SYNJ1: variants seen among roughly 807,000 people sequenced by gnomAD.
The protein encoded by SYNJ1 is polyphosphatidylinositol phosphatase SYNJ1.
Under a neutral mutation model 168.2 loss-of-function variants are expected in SYNJ1, and 78 were observed. That is an observed-to-expected ratio of 0.46 (90% CI 0.39 to 0.56). The LOEUF is 0.56. Ranked by LOEUF, SYNJ1 falls within the 20% of genes least tolerant of loss-of-function variation. The pLI is 0.00. For synonymous variants in SYNJ1, 539 were observed against 548.6 expected (o/e 0.98, Z 0.24); for missense variants, 1,303 against 1,597.6 (o/e 0.82, Z 3.14).
intron 28 of SYNJ1, 32 bp downstream of exon 28, chr21:32,642,063 A>T (rs375941299): frequency 1.1e-5 from 17 of 1,613,962 alleles, no homozygotes; most frequent in Middle Eastern, 1.6e-4. Flanking sequence ...GTCCAGTTTT[A>T]AGGGTGAATA....
intron 12 of SYNJ1, among the ~76,000 whole-genome samples, chr21:32,678,156 T>C (rs778836037): frequency 6.6e-6 from 1 of 152,290 alleles, no homozygotes; most frequent in South Asian, 2.1e-4. Context: ...GCCCAATAAT[T>C]AGCACTACTT....
intron 12 of SYNJ1, 71 bp from the exon 13 acceptor site, chr21:32,676,426 G>A (rs2041412256): frequency 1.4e-6 from 2 of 1,464,780 alleles, no homozygotes; most frequent in Non-Finnish European, 1.9e-6. Flanking sequence ...GTTGAGTATA[G>A]TGACAAAACA....
intron 23 of SYNJ1, among the ~76,000 whole-genome samples, chr21:32,648,685 A>T (rs1418446281): frequency 6.6e-6 from 1 of 152,154 alleles, no homozygotes. Context: ...TATTCGATTC[A>T]TTCTCTTCTG....
intron 22 of SYNJ1, among the ~76,000 whole-genome samples, chr21:32,652,327 A>T (rs2040301985): frequency 6.6e-6 from 1 of 151,920 alleles, no homozygotes. Context: ...CAGTCTCCCA[A>T]GCAGCTGGGA....
chr21:32,641,978 A>G lies in SYNJ1; in HGVS notation c.3518-12T>C, dbSNP rs1337239204. ...AGGCTGACTGCGTCCTGGAACAAAG[A>G]CATCATATCATATATTTAAGTTTAA... On this transcript the variant is annotated splice_polypyrimidine_tract_variant and intron_variant, in intron 28 of 32. Coordinates refer to ENST00000674351, the MANE Select transcript of SYNJ1 (RefSeq NM_203446.3). 6.2e-7 allele frequency: 1 copy of G among 1,613,690 alleles called. No individual in the cohort carries two copies. Among genetic ancestry groups the G allele is most frequent in the Non-Finnish European group, 8.5e-7 (1 of 1,179,938 alleles).
chr21:32,650,077 G>A lies in SYNJ1; in HGVS notation c.3037+107C>T, dbSNP rs2040220002. The A allele has an allele frequency of 3.0e-6, 4 of 1,348,708 alleles. No homozygotes were observed. The East Asian group carries it at 9.6e-5, about 33-fold the overall frequency. The allele number at this position is 1,348,708 out of a possible 1,614,324, so 83.5% of individuals were successfully genotyped here. ...AATACATTCTAATTAATAGTGCTAT[G>A]TACGTCCCAAGAAGAAGAAGAAAGA... On this transcript the variant is annotated intron_variant, in intron 23 of 32. Coordinates refer to ENST00000674351, the MANE Select transcript of SYNJ1 (RefSeq NM_203446.3).
chr21:32,703,937 T>C (rs943644435), intron 2 of SYNJ1, among the ~76,000 whole-genome samples: 2 of 151,966 alleles, frequency 1.3e-5, no homozygotes, highest in Admixed American at 6.6e-5. Flanking sequence ...CCCAGGCTGG[T>C]TGGAAACTCT....
At chr21:32,661,738 T>G (rs555689548) in intron 18 of SYNJ1, among the ~76,000 whole-genome samples, 1 of 152,184 alleles carries the variant, frequency 6.6e-6, no homozygotes, top group East Asian at 1.9e-4. Context: ...TATGGTATTG[T>G]TTAAAATTAG....
At chr21:32,649,378 T>C (rs2040190321) in intron 23 of SYNJ1, among the ~76,000 whole-genome samples, 1 of 152,222 alleles carries the variant, frequency 6.6e-6, no homozygotes, top group Non-Finnish European at 1.5e-5. Flanking sequence ...AATATTATTA[T>C]AATCTAAGGT....
rs756663722 is a variant in SYNJ1 at position 32,695,245 on chromosome 21, C to T, written c.517G>A (p.Val173Met). The T allele has an allele frequency of 2.2e-5, 35 of 1,613,818 alleles. No homozygotes were observed. Among genetic ancestry groups the T allele is most frequent in the African/African-American group, 1.1e-4 (8 of 74,872 alleles). Reference protein sequence around the residue: ...SLHLHLKHYGVNCDDWLLRLM... With the variant: ...SLHLHLKHYGMNCDDWLLRLM... ...CGTAATAACCAGTCATCACAATTCACGCCATAGTGTTTGAGATGCAAATGC... is the reference window on the plus strand; with the variant it reads ...CGTAATAACCAGTCATCACAATTCATGCCATAGTGTTTGAGATGCAAATGC... The change falls in exon 5 of 33, where the codon GTG (valine) becomes ATG (methionine). Residue 173 changes from valine (V) to methionine (M), a missense_variant. Around this residue, in one of 2 missense-constraint regions of SYNJ1, gnomAD observed 920 missense variants for 1,208.8 expected, o/e 0.76. Transcript: ENST00000674351.
chr21:32,678,581 GT>G lies in SYNJ1; in HGVS notation c.1510+63del. 10 of 1,455,964 alleles carry G rather than the reference GT, an allele frequency of 6.9e-6. No homozygotes were observed. The South Asian group carries it at 1.5e-4, about 22-fold the overall frequency. 90.2% of individuals were successfully genotyped at this position (1,455,964 alleles called of 1,614,324 possible). ...CCAACTAAAAATTCTGTGTAAATAA[GT>G]TTACATTTACCTCTTGGACCTTTAG... On this transcript the variant is annotated intron_variant, in intron 12 of 32. Transcript: ENST00000674351.
chr21:32,709,086 T>G (rs554655647), intron 2 of SYNJ1, among the ~76,000 whole-genome samples: 1 of 152,300 alleles, frequency 6.6e-6, no homozygotes, highest in Non-Finnish European at 1.5e-5. Flanking sequence ...ACAGAACAAT[T>G]AAAAAGCTAA....
chr21:32,672,059 CAA>C (rs1160074724), intron 14 of SYNJ1, among the ~76,000 whole-genome samples: 22 of 24,668 alleles, frequency 8.9e-4, no homozygotes, highest in African/African-American at 3.7e-3. Context: ...AACTCAATCT[CAA>C]AAAAAAAAAA....
Position 32,646,565 on chromosome 21 carries a change from A to G in SYNJ1, c.3075T>C (p.Leu1025=). ...VDDYSAEVEE[L]LPQHLQPSSS... The stretch of plus-strand genomic sequence containing the variant: ...AAGATGGCTGGAGATGCTGAGGAAG[A>G]AGTTCCTCCACTTCAGCACTATAGT... The change falls in exon 24 of 33, where the codon CTT becomes CTC. Residue 1025 remains leucine, a synonymous_variant. Coordinates refer to ENST00000674351, the MANE Select transcript of SYNJ1 (RefSeq NM_203446.3). The G allele has an allele frequency of 6.2e-7, 1 of 1,614,140 alleles. No individual in the cohort carries two copies. Among genetic ancestry groups the G allele is most frequent in the South Asian group, 1.1e-5 (1 of 91,074 alleles).
intron 16 of SYNJ1, 109 bp from the exon 17 acceptor site, chr21:32,666,244 G>A: frequency 6.9e-7 from 1 of 1,439,078 alleles, no homozygotes; most frequent in Non-Finnish European, 9.4e-7. Flanking sequence ...ATGGTACTTT[G>A]AGGGCAAGCC....
intron 7 of SYNJ1, 45 bp from the exon 8 acceptor site, chr21:32,687,119 C>A: frequency 1.0e-6 from 1 of 992,530 alleles, no homozygotes; most frequent in Non-Finnish European, 1.4e-6. Flanking sequence ...AATAAGAAGC[C>A]CAATTTTTTC....
At chr21:32,648,106 C>A (rs187512858) in intron 23 of SYNJ1, among the ~76,000 whole-genome samples, 1 of 152,212 alleles carries the variant, frequency 6.6e-6, no homozygotes, top group Non-Finnish European at 1.5e-5. Flanking sequence ...TGGGCCCCAC[C>A]CAGCCTAATT....
Position 32,631,803 on chromosome 21 carries a change from T to C in SYNJ1, c.*4-2A>G. On this transcript the variant is annotated splice_acceptor_variant, in intron 32 of 32. Transcript: ENST00000674351. LOFTEE classifies it low-confidence loss of function (3UTR_SPLICE). ...ATCAGAGATTCCATTTGTTTTTACC[T>C]GCAAAAGAAAGGGAGCACTGAAAAA... 1 of 1,603,550 alleles carries C rather than the reference T, an allele frequency of 6.2e-7. No homozygotes were observed. The highest frequency in any genetic ancestry group is 8.5e-7 in the Non-Finnish European group (1 of 1,174,084).
chr21:32,727,949 T>C lies in SYNJ1; in HGVS notation c.-26A>G. ...CGCCCCCCGCCGGCTTGCTCACCTCTTCCTCCGGCTCCTCCTCCTCCTTCT... is the reference window on the plus strand; with the variant it reads ...CGCCCCCCGCCGGCTTGCTCACCTCCTCCTCCGGCTCCTCCTCCTCCTTCT... On this transcript the variant is annotated 5_prime_UTR_variant, in exon 1 of 33. Transcript: ENST00000674351. The C allele has an allele frequency of 6.5e-7, 1 of 1,533,144 alleles. No homozygotes were observed. The highest frequency in any genetic ancestry group is 2.5e-5 in the East Asian group (1 of 40,568). The allele number at this position is 1,533,144 out of a possible 1,614,324, so 95.0% of individuals were successfully genotyped here. A position where few individuals can be genotyped will look rare whatever the true frequency, so the allele number is the denominator to read the frequency against.
Sources: allele counts gnomAD v4.1 joint callset (sites outside exome capture counted in the v4.1 genomes callset), GRCh38; gene constraint gnomAD v4.1.1; regional missense constraint gnomAD v4.1.1; transcripts MANE v1.5; gene names NCBI Gene and HGNC (gene_info 2026-07-23, HGNC 2026-07-21).